Variants in POU6F2 observed in about 807,000 individuals in gnomAD.
The protein encoded by POU6F2 is POU class 6 homeobox 2, also known as POU domain, class 6, transcription factor 2.
POU6F2 carries 31 observed loss-of-function variants against 71.3 expected under a neutral mutation model. That is an observed-to-expected ratio of 0.43 (90% CI 0.33 to 0.59). The LOEUF is 0.59. POU6F2 is among the 20% of genes least tolerant of loss of function. POU6F2 has a pLI of 0.04. For missense variants in POU6F2, 783 were observed against 856.8 expected, an observed-to-expected ratio of 0.91 and a Z score of 1.07; for synonymous variants, 347 against 355.7, an observed-to-expected ratio of 0.98 and a Z score of 0.27.
In POU6F2 at chr7:39,245,634, C is replaced by G. The variant is rs560446453; in HGVS notation, c.598+38014C>G. 4.6e-5 allele frequency among the ~76,000 whole-genome samples: 7 copies of G among 152,286 alleles called. No individual in the cohort carries two copies. The South Asian group carries it at 1.5e-3, about 32-fold the overall frequency. ...CTACATGCTGGATTAGGACTGAACA[C>G]TAATGCAAGTCTCTTTCCATCTAGG... On this transcript the variant is annotated intron_variant, in intron 4 of 9. Coordinates refer to ENST00000518318, the MANE Select transcript of POU6F2 (RefSeq NM_001370959.1).
At chr7:39,159,584 T>A (rs749223353) in intron 2 of POU6F2, among the ~76,000 whole-genome samples, 53 of 152,200 alleles carry the variant, frequency 3.5e-4, no homozygotes, top group Admixed American at 1.6e-3. Context: ...ATCCAGATAA[T>A]TATTGCATAC....
At chr7:38,989,079 G>A (rs1468950150) in intron 1 of POU6F2, among the ~76,000 whole-genome samples, 2 of 152,066 alleles carry the variant, frequency 1.3e-5, no homozygotes, top group African/African-American at 4.8e-5. Flanking sequence ...GGGTGGAGGA[G>A]CAAATCGGTG....
chr7:39,220,691 G>A (rs1396118250), intron 4 of POU6F2, among the ~76,000 whole-genome samples: 1 of 151,850 alleles, frequency 6.6e-6, no homozygotes, highest in Non-Finnish European at 1.5e-5. Context: ...TGGCTATGTA[G>A]CCTAGACAAG....
At position 39,207,420 on chromosome 7, in the gene POU6F2, C is replaced by A; in HGVS notation, c.398C>A (p.Ser133Tyr). Residue 133 changes from serine to tyrosine, a missense_variant, in exon 4 of 10, where the codon TCT becomes TAT. Ser to Tyr is a moderately radical substitution (Grantham distance 144). This residue lies in a region of POU6F2 where 572 missense variants were observed against 572.9 expected (regional missense o/e 1.00). Coordinates refer to ENST00000518318, the MANE Select transcript of POU6F2 (RefSeq NM_001370959.1). ...CTTCTGACGGCACAGCAGTTAGCTT[C>A]TGCTGTGGCCGGCGTGATGCCGGGA... is the stretch of plus-strand genomic sequence containing the variant. ...QPLLTAQQLA[S>Y]AVAGVMPGGP... The A allele has an allele frequency of 1.2e-6, 2 of 1,613,982 alleles. No individual in the cohort carries two copies. The highest frequency in any genetic ancestry group is 1.7e-6 in the Non-Finnish European group (2 of 1,179,860).
chr7:39,302,502 G>A (rs781717482), intron 4 of POU6F2, among the ~76,000 whole-genome samples: 4 of 152,186 alleles, frequency 2.6e-5, no homozygotes, highest in South Asian at 2.1e-4. Flanking sequence ...CTAACCTGGC[G>A]CTGTTTATTC....
At chr7:39,332,617 G>A (rs996281031) in intron 4 of POU6F2, among the ~76,000 whole-genome samples, 1 of 152,160 alleles carries the variant, frequency 6.6e-6, no homozygotes, top group African/African-American at 2.4e-5. Context: ...GAAGGCATTG[G>A]TCCTCTGATT....
intron 1 of POU6F2, among the ~76,000 whole-genome samples, chr7:39,036,044 G>A (rs1440137110): frequency 1.3e-5 from 2 of 152,084 alleles, no homozygotes; most frequent in East Asian, 3.9e-4. Flanking sequence ...AATATGAGGC[G>A]TGCGGGAGAG....
chr7:38,997,255 C>A (rs1023058153), intron 1 of POU6F2, among the ~76,000 whole-genome samples: 1 of 152,164 alleles, frequency 6.6e-6, no homozygotes, highest in African/African-American at 2.4e-5. Context: ...TCATGCAAAG[C>A]CCCATCCTGT....
intron 2 of POU6F2, among the ~76,000 whole-genome samples, chr7:39,102,020 T>C (rs1791585301): frequency 1.3e-5 from 2 of 152,182 alleles, no homozygotes; most frequent in Admixed American, 1.3e-4. Context: ...CTTCTGATCC[T>C]CCAGAGATGT....
intron 5 of POU6F2, among the ~76,000 whole-genome samples, chr7:39,387,064 T>C (rs1211664731): frequency 6.6e-6 from 1 of 152,192 alleles, no homozygotes; most frequent in Non-Finnish European, 1.5e-5. Context: ...TGTGGTAGGT[T>C]GAACTGCCAT....
intron 4 of POU6F2, among the ~76,000 whole-genome samples, chr7:39,317,840 G>A (rs1331337626): frequency 6.6e-6 from 1 of 152,148 alleles, no homozygotes; most frequent in Non-Finnish European, 1.5e-5. Flanking sequence ...TTTCTCAAGG[G>A]TAAAATTGGG....
At chr7:39,390,389 C>G (rs1787043701) in intron 5 of POU6F2, among the ~76,000 whole-genome samples, 1 of 152,166 alleles carries the variant, frequency 6.6e-6, no homozygotes, top group South Asian at 2.1e-4. Context: ...AATCAAGGCT[C>G]TGATAATTCT....
chr7:39,335,316 T>C (rs1361006168), intron 4 of POU6F2, among the ~76,000 whole-genome samples: 2 of 152,144 alleles, frequency 1.3e-5, no homozygotes, highest in Non-Finnish European at 2.9e-5. Flanking sequence ...CATTTACATT[T>C]CTCATCAGCA....
At chr7:39,185,803 ATATATG>A (rs200793063) in intron 2 of POU6F2, among the ~76,000 whole-genome samples, 17,631 of 141,768 alleles carry the variant, frequency 0.12, 1,203 homozygotes, top group African/African-American at 0.16. Context: ...GTATACATAT[ATATATG>A]TATATGTATA....
intron 5 of POU6F2, among the ~76,000 whole-genome samples, chr7:39,355,678 A>C (rs1030741141): frequency 1.3e-5 from 2 of 152,112 alleles, no homozygotes; most frequent in Admixed American, 1.3e-4. Context: ...CCAGCCCCCC[A>C]GCCTTCGCCC....
At chr7:39,256,127 T>C (rs1386007676) in intron 4 of POU6F2, among the ~76,000 whole-genome samples, 1 of 136,096 alleles carries the variant, frequency 7.3e-6, no homozygotes, top group Non-Finnish European at 1.6e-5. Flanking sequence ...TGAGATTGTC[T>C]GATACACTGC....
rs1789022113 is a variant in POU6F2 at position 39,464,455 on chromosome 7, A to T, written c.1932A>T (p.Thr644=). Residue 644 remains threonine, a synonymous_variant, in exon 10 of 10, where the codon ACA becomes ACT. Coordinates refer to ENST00000518318, the MANE Select transcript of POU6F2 (RefSeq NM_001370959.1). This position sits in a 1 kb window ranked among gnomAD's most constrained non-coding sequence, Gnocchi z 4.1. ...AGCGCAAGCGGCGCACCTCCTTCAC[A>T]CCCCAGGCCCTTGAGATCCTCAATG... ...SKKRKRRTSF[T]PQALEILNAH... The T allele has an allele frequency of 5.0e-6, 8 of 1,613,786 alleles. No individual in the cohort carries two copies. The highest frequency in any genetic ancestry group is 6.8e-6 in the Non-Finnish European group (8 of 1,179,848).
chr7:39,447,708 C>T (rs1788557882), intron 7 of POU6F2, among the ~76,000 whole-genome samples: 1 of 152,182 alleles, frequency 6.6e-6, no homozygotes, highest in African/African-American at 2.4e-5. Context: ...TTCCCTTTCC[C>T]TCCAGGAAGG....
At chr7:39,309,963 C>T (rs942325104) in intron 4 of POU6F2, among the ~76,000 whole-genome samples, 1 of 152,144 alleles carries the variant, frequency 6.6e-6, no homozygotes, top group Non-Finnish European at 1.5e-5. Flanking sequence ...AGAGCTCCAT[C>T]GACTTCAAAG....
Sources: allele counts gnomAD v4.1 joint callset (sites outside exome capture counted in the v4.1 genomes callset), GRCh38; gene constraint gnomAD v4.1.1; regional missense constraint gnomAD v4.1.1; non-coding constraint Gnocchi (gnomAD v3.1); transcripts MANE v1.5; gene names NCBI Gene and HGNC (gene_info 2026-07-23, HGNC 2026-07-21).